The following KCNH7 variants were observed in gnomAD, a reference collection of about 807,000 sequenced individuals.
KCNH7 encodes voltage-gated inwardly rectifying potassium channel KCNH7.
KCNH7 carries 49 observed loss-of-function variants against 120.8 expected under a neutral mutation model. The ratio of observed to expected loss-of-function variants is 0.41; its 90% CI spans 0.32 to 0.51. The LOEUF is 0.51. Ranked by LOEUF, KCNH7 falls within the 20% of genes least tolerant of loss-of-function variation. The pLI is 0.38. For missense variants in KCNH7, 1,097 were observed against 1,446.6 expected, an observed-to-expected ratio of 0.76 and a Z score of 3.92; for synonymous variants, 547 against 516.1, an observed-to-expected ratio of 1.06 and a Z score of -0.81.
chr2:162,386,366 GA>G (rs1490992185), intron 12 of KCNH7, among the ~76,000 whole-genome samples: 3 of 151,730 alleles, frequency 2.0e-5, no homozygotes, highest in Non-Finnish European at 4.4e-5. Context: ...AAAGCCCTCT[GA>G]AAATTTGATC....
chr2:162,671,592 C>T (rs1685360358), intron 2 of KCNH7, among the ~76,000 whole-genome samples: 1 of 152,070 alleles, frequency 6.6e-6, no homozygotes, highest in Non-Finnish European at 1.5e-5. Flanking sequence ...GGATGACATA[C>T]TACCTACCTA....
chr2:162,819,046 T>C (rs954520660), intron 2 of KCNH7, among the ~76,000 whole-genome samples: 2 of 152,150 alleles, frequency 1.3e-5, no homozygotes, highest in African/African-American at 4.8e-5. Flanking sequence ...AGAATATCAA[T>C]GTCATGAAAG....
chr2:162,652,196 T>C (rs1684588701), intron 2 of KCNH7, among the ~76,000 whole-genome samples: 1 of 152,214 alleles, frequency 6.6e-6, no homozygotes, highest in African/African-American at 2.4e-5. Flanking sequence ...GACTTAATAA[T>C]CTAAACTGGT....
intron 2 of KCNH7, among the ~76,000 whole-genome samples, chr2:162,616,035 C>A (rs967881503): frequency 1.1e-4 from 17 of 152,222 alleles, no homozygotes; most frequent in African/African-American, 4.1e-4. Context: ...GCCTTCAAAT[C>A]GAAAGTGTTG....
intron 2 of KCNH7, among the ~76,000 whole-genome samples, chr2:162,672,653 A>G (rs1005217250): frequency 6.6e-6 from 1 of 152,008 alleles, no homozygotes. Flanking sequence ...ATTGGCTGAC[A>G]CCCACATAGC....
chr2:162,817,180 C>A (rs1027159661), intron 2 of KCNH7, among the ~76,000 whole-genome samples: 1 of 152,092 alleles, frequency 6.6e-6, no homozygotes, highest in African/African-American at 2.4e-5. Flanking sequence ...GTAGAATATG[C>A]CTTCATTCCC....
chr2:162,613,294 C>CT (rs1484155843), intron 2 of KCNH7, among the ~76,000 whole-genome samples: 2 of 151,920 alleles, frequency 1.3e-5, no homozygotes, highest in South Asian at 2.1e-4. Context: ...TTGATAGCAT[C>CT]AATAGAAGTC....
chr2:162,555,340 G>C (rs964952472), intron 2 of KCNH7, among the ~76,000 whole-genome samples: 1 of 152,144 alleles, frequency 6.6e-6, no homozygotes. Context: ...TAAGAGACAA[G>C]ACAGGCAAGT....
chr2:162,767,168 A>G (rs766191141), intron 2 of KCNH7, among the ~76,000 whole-genome samples: 3 of 152,162 alleles, frequency 2.0e-5, no homozygotes, highest in East Asian at 1.9e-4. Context: ...TTTTGCTGCA[A>G]TGAATAACCA....
intron 2 of KCNH7, among the ~76,000 whole-genome samples, chr2:162,542,583 T>C (rs1367751022): frequency 6.6e-6 from 1 of 151,998 alleles, no homozygotes; most frequent in Non-Finnish European, 1.5e-5. Flanking sequence ...CATGGACTCA[T>C]CATTTTTTAT....
chr2:162,433,227 G>A (rs1437948932), intron 8 of KCNH7, among the ~76,000 whole-genome samples: 2 of 152,068 alleles, frequency 1.3e-5, no homozygotes, highest in Non-Finnish European at 2.9e-5. Context: ...CAGATTCAAT[G>A]CTATTCCTAC....
At chr2:162,570,273 A>G (rs1693419150) in intron 2 of KCNH7, among the ~76,000 whole-genome samples, 1 of 150,322 alleles carries the variant, frequency 6.7e-6, no homozygotes, top group South Asian at 2.1e-4. Flanking sequence ...TGATCCCTTT[A>G]CCATTATGTA....
intron 2 of KCNH7, among the ~76,000 whole-genome samples, chr2:162,567,249 A>T (rs748199446): frequency 6.6e-6 from 1 of 152,072 alleles, no homozygotes; most frequent in Non-Finnish European, 1.5e-5. Flanking sequence ...ATAAAAAATC[A>T]AAATTTACAA....
At chr2:162,596,192 A>T (rs1340836581) in intron 2 of KCNH7, among the ~76,000 whole-genome samples, 1 of 152,096 alleles carries the variant, frequency 6.6e-6, no homozygotes, top group Non-Finnish European at 1.5e-5. Flanking sequence ...GACTTCATTC[A>T]AAACTTCACA....
At chr2:162,622,780 G>GA (rs1310333595) in intron 2 of KCNH7, among the ~76,000 whole-genome samples, 9 of 152,038 alleles carry the variant, frequency 5.9e-5, no homozygotes, top group Non-Finnish European at 1.3e-4. Flanking sequence ...ACAAATGTCC[G>GA]AAGAATAAAA....
chr2:162,610,746 G>A, intron 2 of KCNH7, among the ~76,000 whole-genome samples: 1 of 152,094 alleles, frequency 6.6e-6, no homozygotes, highest in East Asian at 1.9e-4. Context: ...TTAGTAATGT[G>A]TTTTCTTTTT....
chr2:162,382,890 C>A (rs1307387527), intron 13 of KCNH7, among the ~76,000 whole-genome samples: 1 of 151,890 alleles, frequency 6.6e-6, no homozygotes, highest in Non-Finnish European at 1.5e-5. Flanking sequence ...TATATGATAT[C>A]AATTCAATTG....
chr2:162,507,715 C>T (rs1157738450), intron 5 of KCNH7, among the ~76,000 whole-genome samples: 1 of 151,520 alleles, frequency 6.6e-6, no homozygotes, highest in Non-Finnish European at 1.5e-5. Context: ...CTATTAAAAG[C>T]AAGAACTAGC....
chr2:162,805,735 A>G (rs1408676976), intron 2 of KCNH7, among the ~76,000 whole-genome samples: 1 of 152,188 alleles, frequency 6.6e-6, no homozygotes, highest in Non-Finnish European at 1.5e-5. Flanking sequence ...ACTACTGGAT[A>G]TCTATCCAAA....
Sources: gnomAD v4.1 joint callset for allele counts (sites outside exome capture counted in the v4.1 genomes callset) on GRCh38, gnomAD v4.1.1 for gene constraint, MANE v1.5 for transcripts, NCBI Gene and HGNC (gene_info 2026-07-23, HGNC 2026-07-21) for gene names.